Variants in IMMP2L observed in about 807,000 individuals in gnomAD.
IMMP2L encodes mitochondrial inner membrane protease subunit 2.
A neutral mutation model predicts 19.3 loss-of-function variants in IMMP2L; 18 were observed. The observed-to-expected ratio is 0.93, with a 90% CI of 0.64 to 1.38. The LOEUF (loss-of-function observed/expected upper bound fraction) is 1.38. Among genes scored for constraint, IMMP2L ranks in the 40% most tolerant of loss-of-function variants. The probability of loss-of-function intolerance (pLI) is 0.00; values close to 1 mark genes in which losing one functional copy is unlikely to be tolerated. For synonymous variants in IMMP2L, 76 were observed against 73.0 expected (o/e 1.04, Z -0.21); for missense variants, 233 against 218.2 (o/e 1.07, Z -0.43).
chr7:111,521,200 C>G lies in IMMP2L; in HGVS notation c.135+113G>C, dbSNP rs1846293804. 3.4e-6 allele frequency: 4 copies of G among 1,176,168 alleles called. No homozygotes were observed. The South Asian group carries it at 6.8e-5, about 20-fold the overall frequency. The allele number at this position is 1,176,168 out of a possible 1,614,324, so 72.9% of individuals were successfully genotyped here. ...GTAAAGTAAAATTTCATTTCAATGCCTTTTTATAACCTTTCAGTTCCCAGA... is the reference window on the plus strand; with the variant it reads ...GTAAAGTAAAATTTCATTTCAATGCGTTTTTATAACCTTTCAGTTCCCAGA... On this transcript the variant is annotated intron_variant, in intron 2 of 5. Transcript: ENST00000405709.
intron 4 of IMMP2L, among the ~76,000 whole-genome samples, chr7:110,906,526 G>C (rs1385636070): frequency 6.6e-6 from 1 of 152,158 alleles, no homozygotes; most frequent in East Asian, 1.9e-4. Context: ...AACCAAATGT[G>C]CACTGTGTGC....
At chr7:110,702,219 G>A (rs751639577) in intron 5 of IMMP2L, among the ~76,000 whole-genome samples, 5 of 152,104 alleles carry the variant, frequency 3.3e-5, no homozygotes, top group Admixed American at 6.6e-5. Context: ...ATAAGTGTGG[G>A]CCACTACACT....
At chr7:110,988,366 A>G (rs1217039845) in intron 3 of IMMP2L, among the ~76,000 whole-genome samples, 2 of 152,202 alleles carry the variant, frequency 1.3e-5, no homozygotes, top group African/African-American at 2.4e-5. Context: ...AACAGATAGT[A>G]GAGGTTCAAG....
intron 3 of IMMP2L, among the ~76,000 whole-genome samples, chr7:111,341,143 T>C (rs114033056): frequency 0.013 from 2,004 of 152,214 alleles, 45 homozygotes; most frequent in African/African-American, 0.046. Flanking sequence ...CAGAGCAATA[T>C]TGAGAATAAT....
intron 3 of IMMP2L, among the ~76,000 whole-genome samples, chr7:111,087,456 G>GAAAA (rs76131476): frequency 1.3e-5 from 1 of 77,940 alleles, no homozygotes; most frequent in Non-Finnish European, 2.8e-5. Context: ...CTTAAAAAAA[G>GAAAA]AAAAAAAAAA....
At chr7:110,683,750 G>T (rs950665426) in intron 5 of IMMP2L, among the ~76,000 whole-genome samples, 41 of 152,094 alleles carry the variant, frequency 2.7e-4, no homozygotes, top group African/African-American at 9.9e-4. Flanking sequence ...TGAATATATA[G>T]ACTTCATTGT....
At chr7:110,972,429 A>C (rs1013019038) in intron 3 of IMMP2L, among the ~76,000 whole-genome samples, 3 of 152,136 alleles carry the variant, frequency 2.0e-5, no homozygotes, top group African/African-American at 2.4e-5. Flanking sequence ...AATGTTATGC[A>C]TATGTTTCTA....
chr7:111,322,326 C>A (rs1328280001), intron 3 of IMMP2L, among the ~76,000 whole-genome samples: 1 of 151,872 alleles, frequency 6.6e-6, no homozygotes, highest in Non-Finnish European at 1.5e-5. Context: ...GAATTGACCC[C>A]ATGACTGGTT....
intron 3 of IMMP2L, among the ~76,000 whole-genome samples, chr7:111,171,879 TAAAG>T (rs2129609235): frequency 6.7e-6 from 1 of 149,684 alleles, no homozygotes; most frequent in South Asian, 2.1e-4. Flanking sequence ...AAAGATAAAA[TAAAG>T]AATTAAAAAT....
intron 3 of IMMP2L, among the ~76,000 whole-genome samples, chr7:111,047,804 G>A (rs778110158): frequency 2.6e-5 from 4 of 152,072 alleles, no homozygotes; most frequent in Admixed American, 6.5e-5. Flanking sequence ...AGGTGGACTG[G>A]GACCAAAGAC....
At chr7:111,149,254 C>T (rs1160622089) in intron 3 of IMMP2L, among the ~76,000 whole-genome samples, 4 of 152,034 alleles carry the variant, frequency 2.6e-5, no homozygotes, top group Non-Finnish European at 5.9e-5. Flanking sequence ...AAGATGTGGT[C>T]TGAAACTGTT....
intron 3 of IMMP2L, among the ~76,000 whole-genome samples, chr7:111,138,433 T>C (rs1802553538): frequency 6.6e-6 from 1 of 152,150 alleles, no homozygotes; most frequent in East Asian, 1.9e-4. Context: ...CCAGGGGCCA[T>C]AAGATCAAAG....
chr7:110,692,093 C>T (rs562026892), intron 5 of IMMP2L, among the ~76,000 whole-genome samples: 8 of 152,012 alleles, frequency 5.3e-5, no homozygotes, highest in East Asian at 1.9e-4. Flanking sequence ...AAAGAAAATG[C>T]GGTGTGTGTA....
intron 3 of IMMP2L, among the ~76,000 whole-genome samples, chr7:111,047,103 C>A (rs538399205): frequency 3.3e-5 from 5 of 152,208 alleles, no homozygotes; most frequent in African/African-American, 4.8e-5. Flanking sequence ...GCTGGAAACA[C>A]ATCGTTACCT....
intron 5 of IMMP2L, among the ~76,000 whole-genome samples, chr7:110,754,597 T>C (rs1176600802): frequency 6.6e-6 from 1 of 152,096 alleles, no homozygotes; most frequent in Non-Finnish European, 1.5e-5. Flanking sequence ...ATTTTGAATT[T>C]TGGAAATTCT....
At chr7:111,143,275 A>G (rs1465821740) in intron 3 of IMMP2L, among the ~76,000 whole-genome samples, 5 of 152,186 alleles carry the variant, frequency 3.3e-5, no homozygotes, top group Admixed American at 1.3e-4. Flanking sequence ...CTAAGAAGTA[A>G]TTTAATTTTC....
At chr7:110,682,421 C>T (rs760597961) in intron 5 of IMMP2L, among the ~76,000 whole-genome samples, 15 of 152,066 alleles carry the variant, frequency 9.9e-5, no homozygotes, top group African/African-American at 1.2e-4. Flanking sequence ...GGCACTGTCT[C>T]GTATTCCAAA....
chr7:110,934,757 T>C (rs927125664), intron 4 of IMMP2L, among the ~76,000 whole-genome samples: 1 of 152,222 alleles, frequency 6.6e-6, no homozygotes, highest in African/African-American at 2.4e-5. Flanking sequence ...TGTAATGACC[T>C]TCTTTGTCTT....
chr7:111,018,363 T>TA lies in IMMP2L; in HGVS notation c.240-54799dup, dbSNP rs546335902. 1.8e-3 allele frequency among the ~76,000 whole-genome samples: 268 copies of TA among 152,300 alleles called. 1 individual carries two copies. Among genetic ancestry groups the TA allele is most frequent in the African/African-American group, 5.3e-3 (220 of 41,560 alleles). The stretch of plus-strand genomic sequence containing the variant: ...TGCAAATTGTGCTTGATGATATACA[T>TA]AGGAACCTCTGGATCCTTCACTTAC... On this transcript the variant is annotated intron_variant, in intron 3 of 5. Transcript: ENST00000405709.
Sources: allele counts gnomAD v4.1 joint callset (sites outside exome capture counted in the v4.1 genomes callset), GRCh38; gene constraint gnomAD v4.1.1; transcripts MANE v1.5; gene names NCBI Gene and HGNC (gene_info 2026-07-23, HGNC 2026-07-21).